The following TASOR2 variants were observed in gnomAD, a reference collection of about 807,000 sequenced individuals.
TASOR2 encodes the protein protein TASOR 2.
In TASOR2, 84 loss-of-function variants were observed where a neutral mutation model predicts 199.5. That is an observed-to-expected ratio of 0.42 (90% CI 0.35 to 0.50). The LOEUF is 0.50. Ranked by LOEUF, TASOR2 falls within the 20% of genes least tolerant of loss-of-function variation. TASOR2 has a pLI of 0.02. For missense variants in TASOR2, 2,796 were observed against 2,835.9 expected (o/e 0.99, Z 0.32); for synonymous variants, 1,103 against 1,046.6 (o/e 1.05, Z -1.04).
At chr10:5,734,995 A>C (rs1489763027) in intron 11 of TASOR2, among the ~76,000 whole-genome samples, 1 of 151,856 alleles carries the variant, frequency 6.6e-6, no homozygotes, top group Non-Finnish European at 1.5e-5. Flanking sequence ...CTCCCAGCCC[A>C]AAGTTTTGTT....
rs756902019 is a variant in TASOR2, at chr10:5,747,446, A to G, written c.4025A>G (p.Asn1342Ser). 1.0e-4 allele frequency: 167 copies of G among 1,613,936 alleles called. No individual in the cohort carries two copies. Among genetic ancestry groups the G allele is most frequent in the East Asian group, 7.6e-4 (34 of 44,896 alleles). Residue 1342 changes from asparagine (N) to serine (S), a missense_variant, in exon 15 of 21, where the codon AAT (asparagine) becomes AGT (serine). Coordinates refer to ENST00000328090, the Ensembl canonical transcript of TASOR2. ...AGCAGAGAAGTGAGTTCTGCTGACAATGTGTCAGTATATCCCTCAGTGTCA... is the reference window on the plus strand; with the variant it reads ...AGCAGAGAAGTGAGTTCTGCTGACAGTGTGTCAGTATATCCCTCAGTGTCA...
exon 15 of TASOR2, chr10:5,746,938 C>G: frequency 1.2e-6 from 2 of 1,614,186 alleles, no homozygotes; most frequent in Non-Finnish European, 1.7e-6. Context: ...TCATCTATCA[C>G]CCAGTGAAGA....
At chr10:5,713,904 G>A (rs745595700) in intron 2 of TASOR2, 22 of 305,182 alleles carry the variant, frequency 7.2e-5, no homozygotes, top group African/African-American at 1.3e-4. Context: ...TTATTTTAAA[G>A]CTTATGGATT....
At position 5,707,726 on chromosome 10, in the gene TASOR2, T is replaced by TCA. The variant is rs5782856; in HGVS notation, c.-287-5049_-287-5048dup. Among the ~76,000 whole-genome samples the TCA allele has an allele frequency of 5.0e-3, 652 of 129,162 alleles. 5 individuals are homozygous for TCA. Among genetic ancestry groups the TCA allele is most frequent in the Middle Eastern group, 0.015 (4 of 268 alleles). 84.7% of individuals were successfully genotyped at this position (129,162 alleles called of 152,430 possible). A position where few individuals can be genotyped will look rare whatever the true frequency, so the allele number is the denominator to read the frequency against. Reference sequence around the variant, plus strand: ...CATACTCACTCTCCCTCACTCATTTTCACACACACACACACACACACACAC... The same window carrying TCA: ...CATACTCACTCTCCCTCACTCATTTTCACACACACACACACACACACACACAC... On this transcript the variant is annotated intron_variant, in intron 1 of 20. Transcript: ENST00000328090.
chr10:5,709,704 T>C, intron 1 of TASOR2: 1 of 1,218,234 alleles, frequency 8.2e-7, no homozygotes, highest in Non-Finnish European at 1.0e-6. Context: ...AACTAATGAA[T>C]CCAGAATAGA....
At chr10:5,733,476 G>A (rs1029996818) in intron 11 of TASOR2, among the ~76,000 whole-genome samples, 1 of 152,148 alleles carries the variant, frequency 6.6e-6, no homozygotes, top group Non-Finnish European at 1.5e-5. Context: ...TCCAGCCTGG[G>A]TGACAGAGCA....
rs1833112334 is a variant in TASOR2 at position 5,719,655 on chromosome 10, T to C, written c.-99-889T>C. ...CTGTGCCCAGCTGCTTGCTTTTTTC[T>C]TTTTTTTTGGAGAGACATGTAACCC... On this transcript the variant is annotated intron_variant, in intron 3 of 20. Coordinates refer to ENST00000328090, the Ensembl canonical transcript of TASOR2. The surrounding 1 kb of genome is among the most constrained non-coding windows in gnomAD (Gnocchi z 4.1). Among the ~76,000 whole-genome samples the C allele has an allele frequency of 6.6e-6, 1 of 151,084 alleles. No homozygotes were observed. The highest frequency in any genetic ancestry group is 2.1e-4 in the South Asian group (1 of 4,782).
exon 15 of TASOR2, chr10:5,747,347 C>A: frequency 6.2e-7 from 1 of 1,614,002 alleles, no homozygotes; most frequent in Non-Finnish European, 8.5e-7. Flanking sequence ...TTTGAGGAGG[C>A]CCCATTCTCA....
chr10:5,712,893 TTC>T, exon 2 of TASOR2: 1 of 1,231,178 alleles, frequency 8.1e-7, no homozygotes, highest in Admixed American at 4.2e-5. Flanking sequence ...ACTTACGGGT[TTC>T]TTCTGTTTGA....
At position 5,748,093 on chromosome 10, in the gene TASOR2, G is replaced by C. The variant is rs1012551533; in HGVS notation, c.4672G>C (p.Glu1558Gln). The C allele has an allele frequency of 6.2e-7, 1 of 1,614,218 alleles. No individual in the cohort carries two copies. The highest frequency in any genetic ancestry group is 1.7e-5 in the Admixed American group (1 of 60,030). ...AAATCCATTGCAGCCAGTTAGTATA[G>C]AGAATAGAAATTTGGACTTAAAACA... Residue 1558 changes from glutamate to glutamine, a missense_variant, in exon 15 of 21, where the codon GAG becomes CAG. Glu to Gln is a conservative substitution (Grantham distance 29). Transcript: ENST00000328090. The surrounding 1 kb of genome is among the most constrained non-coding windows in gnomAD (Gnocchi z 5.1).
In TASOR2 at chr10:5,754,529, A is replaced by G. The variant is rs962969457; in HGVS notation, c.6607-2084A>G. Among the ~76,000 whole-genome samples the G allele has an allele frequency of 3.9e-5, 6 of 152,040 alleles. No individual in the cohort carries two copies. Among genetic ancestry groups the G allele is most frequent in the Non-Finnish European group, 8.8e-5 (6 of 68,012 alleles). ...CTCACCTTCTCGAATAGCTGGGATT[A>G]CAGGTGCGTGCCACCATGCCTGGCT... is the stretch of plus-strand genomic sequence containing the variant. On this transcript the variant is annotated intron_variant, in intron 15 of 20. Coordinates refer to ENST00000328090, the Ensembl canonical transcript of TASOR2. This position sits in a 1 kb window ranked among gnomAD's most constrained non-coding sequence, Gnocchi z 4.3.
Position 5,758,049 on chromosome 10 carries a change from C to T in TASOR2, c.6886+376C>T, listed in dbSNP as rs192043979. Among the ~76,000 whole-genome samples the T allele has an allele frequency of 1.3e-3, 197 of 152,218 alleles. 2 individuals are homozygous for T. The highest frequency in any genetic ancestry group is 1.8e-3 in the Non-Finnish European group (123 of 68,008). On this transcript the variant is annotated intron_variant, in intron 17 of 20. Transcript: ENST00000328090. ...CCTTCTCCATTTCTGATGTCAACAC[C>T]CCTACCATCTTGATGTCACAAAAAT...
At position 5,722,197 on chromosome 10, in the gene TASOR2, G is replaced by A. The variant is rs10795520; in HGVS notation, c.146+1227G>A. Among the ~76,000 whole-genome samples, 80,031 of 151,994 alleles carry A rather than the reference G, an allele frequency of 0.53. 21,937 individuals are homozygous for A. The highest frequency in any genetic ancestry group is 0.66 in the Middle Eastern group (194 of 294). ...GGGCCAGGCACAGTGGCTCCTGTCT[G>A]TAATGCTAGCACTTTGGGAGGCCAA... On this transcript the variant is annotated intron_variant, in intron 6 of 20. Coordinates refer to ENST00000328090, the Ensembl canonical transcript of TASOR2. The surrounding 1 kb of genome is among the most constrained non-coding windows in gnomAD (Gnocchi z 4.0).
At chr10:5,761,717 T>G in intron 19 of TASOR2, 1 of 420,774 alleles carries the variant, frequency 2.4e-6, no homozygotes, top group South Asian at 4.4e-5. Flanking sequence ...ACAGTATAAG[T>G]AGTTATACCG....
At chr10:5,761,346 A>G (rs1839801180) in exon 19 of TASOR2, 1 of 1,614,050 alleles carries the variant, frequency 6.2e-7, no homozygotes, top group Non-Finnish European at 8.5e-7. Flanking sequence ...CAGAGTGCAA[A>G]TATCATTGAA....
chr10:5,703,807 T>C (rs1484689928), intron 1 of TASOR2, among the ~76,000 whole-genome samples: 1 of 151,150 alleles, frequency 6.6e-6, no homozygotes, highest in Non-Finnish European at 1.5e-5. Context: ...CGGCCTCTGA[T>C]GTTTTTATTT....
At chr10:5,749,893 T>G in exon 15 of TASOR2, 1 of 1,614,210 alleles carries the variant, frequency 6.2e-7, no homozygotes, top group Non-Finnish European at 8.5e-7. Context: ...GTCAGCCTCC[T>G]ATGAAGACAT....
rs1838222577 is a variant in TASOR2 at position 5,752,575 on chromosome 10, A to C, written c.6606+2548A>C. Among the ~76,000 whole-genome samples the C allele has an allele frequency of 6.6e-6, 1 of 152,218 alleles. No individual in the cohort carries two copies. Among genetic ancestry groups the C allele is most frequent in the South Asian group, 2.1e-4 (1 of 4,834 alleles). Reference sequence around the variant, plus strand: ...CACGTGGCGAGTCCATGGGGGCTGGATTACTGAGTAACGAGTTACTTAGTA... The same window carrying C: ...CACGTGGCGAGTCCATGGGGGCTGGCTTACTGAGTAACGAGTTACTTAGTA... On this transcript the variant is annotated intron_variant, in intron 15 of 20. Coordinates refer to ENST00000328090, the Ensembl canonical transcript of TASOR2. The surrounding 1 kb of genome is among the most constrained non-coding windows in gnomAD (Gnocchi z 4.4).
chr10:5,705,434 G>A (rs1055998554), intron 1 of TASOR2, among the ~76,000 whole-genome samples: 1 of 152,092 alleles, frequency 6.6e-6, no homozygotes, highest in Admixed American at 6.5e-5. Context: ...CTGTGAAAAA[G>A]CTGCTCTGAA....
Sources: allele counts gnomAD v4.1 joint callset (sites outside exome capture counted in the v4.1 genomes callset), GRCh38; gene constraint gnomAD v4.1.1; non-coding constraint Gnocchi (gnomAD v3.1); transcripts MANE v1.5; gene names NCBI Gene and HGNC (gene_info 2026-07-23, HGNC 2026-07-21).